The following ITPK1 variants were observed in gnomAD, a reference collection of about 807,000 sequenced individuals.
The protein encoded by ITPK1 is inositol-tetrakisphosphate 1-kinase.
A neutral mutation model predicts 45.3 loss-of-function variants in ITPK1; 21 were observed. The ratio of observed to expected loss-of-function variants is 0.46; its 90% confidence interval spans 0.33 to 0.67. The LOEUF is 0.67. Among genes scored for constraint, ITPK1 ranks in the 30% least tolerant of loss-of-function variants. The pLI is 0.02. For synonymous variants in ITPK1, 258 were observed against 253.6 expected (o/e 1.02, Z -0.16); for missense variants, 474 against 573.5 (o/e 0.83, Z 1.77).
intron 2 of ITPK1, among the ~76,000 whole-genome samples, chr14:93,081,288 C>T (rs1366995720): frequency 6.6e-6 from 1 of 151,834 alleles, no homozygotes; most frequent in African/African-American, 2.4e-5. Context: ...GAGCCAAGAT[C>T]GTGCCACTGC....
At chr14:93,040,330 T>C (rs1309089700) in intron 3 of ITPK1, among the ~76,000 whole-genome samples, 2 of 152,168 alleles carry the variant, frequency 1.3e-5, no homozygotes, top group African/African-American at 4.8e-5. Context: ...CTCGGCCCAA[T>C]GTCCTTCACT....
chr14:92,942,992 G>A (rs1887507858), intron 10 of ITPK1, among the ~76,000 whole-genome samples: 1 of 152,260 alleles, frequency 6.6e-6, no homozygotes, highest in Admixed American at 6.5e-5. Context: ...GGGCCTGGAA[G>A]ATGAGACTGC....
At position 93,065,972 on chromosome 14, in the gene ITPK1, A is replaced by G. The variant is rs994421410; in HGVS notation, c.120+10623T>C. Among the ~76,000 whole-genome samples the G allele has an allele frequency of 5.3e-5, 8 of 152,368 alleles. No homozygotes were observed. In the South Asian group the frequency reaches 6.2e-4, roughly 12 times the overall value. The stretch of plus-strand genomic sequence containing the variant: ...GAAAAGCCTAACCTGAATGCACATC[A>G]TATAGAAAAAGGAGCATATTTTATG... On this transcript the variant is annotated intron_variant, in intron 3 of 10. Coordinates refer to ENST00000267615, the MANE Select transcript of ITPK1 (RefSeq NM_014216.6).
intron 5 of ITPK1, among the ~76,000 whole-genome samples, chr14:92,983,563 G>A (rs370890193): frequency 6.6e-6 from 1 of 152,140 alleles, no homozygotes; most frequent in Non-Finnish European, 1.5e-5. Context: ...TAGAAGACAA[G>A]CAAATGGAGC....
At chr14:93,088,141 A>G (rs1037148004) in intron 2 of ITPK1, among the ~76,000 whole-genome samples, 1 of 152,054 alleles carries the variant, frequency 6.6e-6, no homozygotes, top group African/African-American at 2.4e-5. Context: ...CAAATAAATG[A>G]GAGGCTAACA....
intron 2 of ITPK1, among the ~76,000 whole-genome samples, chr14:93,090,603 G>C (rs887004745): frequency 6.6e-6 from 1 of 152,140 alleles, no homozygotes; most frequent in Non-Finnish European, 1.5e-5. Flanking sequence ...CCATTTGCAG[G>C]GGGTGGGCAA....
intron 7 of ITPK1, among the ~76,000 whole-genome samples, chr14:92,959,438 C>T (rs865803301): frequency 3.3e-5 from 5 of 152,318 alleles, no homozygotes; most frequent in South Asian, 2.1e-4. Context: ...GCAGGACAGA[C>T]GTGGAAATCC....
intron 9 of ITPK1, 45 bp downstream of exon 9, chr14:92,951,901 C>T (rs867161378): frequency 4.7e-6 from 7 of 1,478,718 alleles, no homozygotes; most frequent in Admixed American, 3.9e-5. Flanking sequence ...CCTAGGCCCA[C>T]GGGAGGGCAG....
In ITPK1 at chr14:93,016,150, G is replaced by A. The variant is rs1304563786; in HGVS notation, c.246+526C>T. Among the ~76,000 whole-genome samples, 18 of 152,172 alleles carry A rather than the reference G, an allele frequency of 1.2e-4. No individual in the cohort carries two copies. Among genetic ancestry groups the A allele is most frequent in the Non-Finnish European group, 1.5e-4 (10 of 68,024 alleles). Reference sequence around the variant, plus strand: ...TGCGATCAGGACCTGGGAGGCCGCTGGGGAAGTGGTGTGGGGAGAGGGAAG... The same window carrying A: ...TGCGATCAGGACCTGGGAGGCCGCTAGGGAAGTGGTGTGGGGAGAGGGAAG... On this transcript the variant is annotated intron_variant, in intron 4 of 10. Transcript: ENST00000267615. The surrounding 1 kb of genome is among the most constrained non-coding windows in gnomAD (Gnocchi z 5.0).
In ITPK1 at chr14:93,091,533, C is replaced by T. The variant is rs576722457; in HGVS notation, c.96-14914G>A. On this transcript the variant is annotated intron_variant, in intron 2 of 10. Transcript: ENST00000267615. Reference sequence around the variant, plus strand: ...AATGCCAAGAGCAACCAGCTCATGTCAACAAGGATGGCTTCACTTGCTGTG... The same window carrying T: ...AATGCCAAGAGCAACCAGCTCATGTTAACAAGGATGGCTTCACTTGCTGTG... Among the ~76,000 whole-genome samples the T allele has an allele frequency of 2.0e-5, 3 of 152,346 alleles. No homozygotes were observed. In the South Asian group the frequency reaches 6.2e-4, roughly 32 times the overall value.
At chr14:92,980,663 C>T (rs1231732081) in intron 5 of ITPK1, among the ~76,000 whole-genome samples, 1 of 152,082 alleles carries the variant, frequency 6.6e-6, no homozygotes, top group Non-Finnish European at 1.5e-5. Flanking sequence ...GGGTCCCTCT[C>T]TCATAGTTTG....
chr14:92,939,714 G>C lies in ITPK1; in HGVS notation c.*1847C>G. 4.1e-6 allele frequency: 4 copies of C among 985,450 alleles called. No individual in the cohort carries two copies. Among genetic ancestry groups the C allele is most frequent in the Non-Finnish European group, 4.8e-6 (4 of 829,954 alleles). 61.0% of individuals were successfully genotyped at this position (985,450 alleles called of 1,614,324 possible). A position where few individuals can be genotyped will look rare whatever the true frequency, so the allele number is the denominator to read the frequency against. On this transcript the variant is annotated 3_prime_UTR_variant, in exon 11 of 11. Coordinates refer to ENST00000267615, the MANE Select transcript of ITPK1 (RefSeq NM_014216.6). ...ACAAACGGTACAGGAACACAGCCAGGAGTCACGCTGCACACCCCCACCCGT... is the reference window on the plus strand; with the variant it reads ...ACAAACGGTACAGGAACACAGCCAGCAGTCACGCTGCACACCCCCACCCGT...
intron 3 of ITPK1, among the ~76,000 whole-genome samples, chr14:93,066,619 T>C (rs1317007901): frequency 4.6e-5 from 7 of 152,208 alleles, no homozygotes; most frequent in Non-Finnish European, 8.8e-5. Flanking sequence ...TTAGCCAGGA[T>C]GGTCTCGATC....
rs1257101542 is a variant in ITPK1 at position 93,090,654 on chromosome 14, A to C, written c.96-14035T>G. Among the ~76,000 whole-genome samples, 5 of 152,266 alleles carry C rather than the reference A, an allele frequency of 3.3e-5. No homozygotes were observed. In the East Asian group the frequency reaches 9.7e-4, roughly 29 times the overall value. The stretch of plus-strand genomic sequence containing the variant: ...TCTTTTTTTGGCCAGCGTTTTCTGG[A>C]ACTAAATTCCTCCTGATGAGGAATA... On this transcript the variant is annotated intron_variant, in intron 2 of 10. Coordinates refer to ENST00000267615, the MANE Select transcript of ITPK1 (RefSeq NM_014216.6).
chr14:93,104,381 G>A (rs1399246217), intron 2 of ITPK1, among the ~76,000 whole-genome samples: 6 of 151,980 alleles, frequency 3.9e-5, no homozygotes, highest in Admixed American at 1.3e-4. Context: ...CCCAGCTACT[G>A]GGGAGGCTGA....
rs185742110 is a variant in ITPK1 at position 92,940,578 on chromosome 14, C to T, written c.*983G>A. ...AGTGAACCCACTGGGAAGAGGGCCC[C>T]GATCTCCATGGTGTCATGCCGAGGC... On this transcript the variant is annotated 3_prime_UTR_variant, in exon 11 of 11. Transcript: ENST00000267615. 7.8e-5 allele frequency: 92 copies of T among 1,183,820 alleles called. No homozygotes were observed. Among genetic ancestry groups the T allele is most frequent in the Admixed American group, 2.2e-4 (6 of 27,512 alleles). 73.3% of individuals were successfully genotyped at this position (1,183,820 alleles called of 1,614,324 possible).
chr14:93,046,008 G>T (rs1201059623), intron 3 of ITPK1, among the ~76,000 whole-genome samples: 1 of 152,158 alleles, frequency 6.6e-6, no homozygotes, highest in African/African-American at 2.4e-5. Context: ...TCCACCAGTG[G>T]TCTGTGAGCC....
intron 4 of ITPK1, among the ~76,000 whole-genome samples, chr14:93,015,909 C>T (rs1389193496): frequency 6.6e-6 from 1 of 152,228 alleles, no homozygotes; most frequent in East Asian, 1.9e-4. Flanking sequence ...GCGCCTGTCA[C>T]ACGCTAGAAA....
chr14:92,984,194 C>G (rs1825570413), intron 5 of ITPK1, among the ~76,000 whole-genome samples: 1 of 152,150 alleles, frequency 6.6e-6, no homozygotes, highest in African/African-American at 2.4e-5. Flanking sequence ...TAAACAGATT[C>G]GAGAAGCACC....
Sources: allele counts gnomAD v4.1 joint callset (sites outside exome capture counted in the v4.1 genomes callset), GRCh38; gene constraint gnomAD v4.1.1; non-coding constraint Gnocchi (gnomAD v3.1); transcripts MANE v1.5; gene names NCBI Gene and HGNC (gene_info 2026-07-23, HGNC 2026-07-21).